Variants in VAV2 observed in about 807,000 individuals in gnomAD.
VAV2 encodes vav guanine nucleotide exchange factor 2.
A neutral mutation model predicts 132.5 loss-of-function variants in VAV2; 67 were observed. The observed-to-expected ratio is 0.51, with a 90% CI of 0.42 to 0.62. VAV2 has a LOEUF of 0.62. VAV2 is among the 20% of genes least tolerant of loss of function. VAV2 has a pLI of 0.00. For synonymous variants in VAV2, 492 were observed against 443.5 expected, an observed-to-expected ratio of 1.11 and a Z score of -1.37; for missense variants, 938 against 1,153.6, an observed-to-expected ratio of 0.81 and a Z score of 2.71.
At position 133,809,067 on chromosome 9, in the gene VAV2, G is replaced by A; in HGVS notation, c.639C>T (p.Tyr213=). The part of the protein sequence containing the change: ...LLEIQETEAK[Y]YRTLEDIEKN... ...TCTCAATGTCCTCCAGGGTGCGGTA[G>A]TACTTGGCCTCGGTCTCCTGGATCT... The change falls in exon 7 of 30, where the codon TAC becomes TAT. Residue 213 remains tyrosine (Y), a synonymous_variant. Transcript: ENST00000371850. 4 of 1,614,062 alleles carry A rather than the reference G, an allele frequency of 2.5e-6. No homozygotes were observed. Among genetic ancestry groups the A allele is most frequent in the Non-Finnish European group, 3.4e-6 (4 of 1,179,950 alleles).
At chr9:133,800,021 C>A (rs900434837) in intron 9 of VAV2, among the ~76,000 whole-genome samples, 19 of 152,224 alleles carry the variant, frequency 1.2e-4, no homozygotes, top group African/African-American at 4.1e-4. Flanking sequence ...AGGACCTGGG[C>A]TGGAAGCTCT....
At chr9:133,814,449 G>A (rs1835478297) in intron 4 of VAV2, among the ~76,000 whole-genome samples, 1 of 152,262 alleles carries the variant, frequency 6.6e-6, no homozygotes, top group African/African-American at 2.4e-5. Context: ...TTGACAGCTG[G>A]AGGCGAGGCG....
chr9:133,895,405 T>G (rs1347839722), intron 2 of VAV2, among the ~76,000 whole-genome samples: 9 of 152,108 alleles, frequency 5.9e-5, no homozygotes, highest in Admixed American at 5.2e-4. Flanking sequence ...AAAATAAAAA[T>G]GTAAATGAGC....
intron 2 of VAV2, among the ~76,000 whole-genome samples, chr9:133,899,444 T>C (rs9792581): frequency 0.15 from 22,795 of 151,536 alleles, 1,879 homozygotes; most frequent in South Asian, 0.2. Context: ...GGTCTCGCTC[T>C]GTCACCCAGG....
At chr9:133,838,057 C>T (rs972657291) in intron 3 of VAV2, among the ~76,000 whole-genome samples, 4 of 152,274 alleles carry the variant, frequency 2.6e-5, no homozygotes, top group Admixed American at 6.5e-5. Flanking sequence ...ACGGCCTCAG[C>T]GCCTGGCCGC....
intron 2 of VAV2, among the ~76,000 whole-genome samples, chr9:133,893,917 C>A (rs1839088538): frequency 1.3e-5 from 2 of 152,178 alleles, no homozygotes; most frequent in South Asian, 4.1e-4. Flanking sequence ...CTCACGGATC[C>A]TCACAGACCT....
intron 1 of VAV2, among the ~76,000 whole-genome samples, chr9:133,975,023 C>T (rs1002484549): frequency 2.6e-5 from 4 of 152,234 alleles, no homozygotes; most frequent in African/African-American, 4.8e-5. Context: ...TGGCCCAGAG[C>T]GAGTGTGGTC....
rs765291885 is a variant in VAV2 at position 133,991,831 on chromosome 9, G to C, written c.204+244C>G. ...CGCAGACCGCGGAACCGGCGCACCA[G>C]AGCAGTGCCCGCGGGCGGCGGCGGC... On this transcript the variant is annotated intron_variant, in intron 1 of 29. Coordinates refer to ENST00000371850, the MANE Select transcript of VAV2 (RefSeq NM_001134398.2). This position sits in a 1 kb window ranked among gnomAD's most constrained non-coding sequence, Gnocchi z 4.8. Among the ~76,000 whole-genome samples, 1 of 151,180 alleles carries C rather than the reference G, an allele frequency of 6.6e-6. No homozygotes were observed. The highest frequency in any genetic ancestry group is 1.9e-4 in the East Asian group (1 of 5,160).
chr9:133,857,928 G>T lies in VAV2; in HGVS notation c.380+3446C>A, dbSNP rs1253781106. 1.3e-5 allele frequency among the ~76,000 whole-genome samples: 2 copies of T among 152,216 alleles called. No homozygotes were observed. The highest frequency in any genetic ancestry group is 4.8e-5 in the African/African-American group (2 of 41,456). On this transcript the variant is annotated intron_variant, in intron 3 of 29. Transcript: ENST00000371850. This position sits in a 1 kb window ranked among gnomAD's most constrained non-coding sequence, Gnocchi z 4.0. ...GCCCCGGGGAGGAGGGCCTGCAGAG[G>T]TCTTCCTGCAAAGCCTCGCTCTGCG... is the stretch of plus-strand genomic sequence containing the variant.
rs955736469 is a variant in VAV2 at position 133,788,174 on chromosome 9, G to A, written c.1407+180C>T. Among the ~76,000 whole-genome samples, 7 of 152,184 alleles carry A rather than the reference G, an allele frequency of 4.6e-5. No homozygotes were observed. The highest frequency in any genetic ancestry group is 1.0e-4 in the Non-Finnish European group (7 of 68,028). The stretch of plus-strand genomic sequence containing the variant: ...CAGGCCTGCTATGAGCAGTGGTCAC[G>A]ACGGCGAGGCAGTGACTCAGAGAGG... On this transcript the variant is annotated intron_variant, in intron 15 of 29. Transcript: ENST00000371850. The surrounding 1 kb of genome is among the most constrained non-coding windows in gnomAD (Gnocchi z 5.3).
intron 1 of VAV2, among the ~76,000 whole-genome samples, chr9:133,964,022 C>CATATGTATATATAT (rs1217468550): frequency 2.1e-5 from 2 of 93,876 alleles, no homozygotes; most frequent in East Asian, 3.1e-4. Context: ...ATTATTCATT[C>CATATGTATATATAT]ATATATATAT....
At chr9:133,895,642 A>AG (rs745662089) in intron 2 of VAV2, among the ~76,000 whole-genome samples, 27 of 151,512 alleles carry the variant, frequency 1.8e-4, no homozygotes, top group Non-Finnish European at 2.8e-4. Flanking sequence ...GGCTGGGGAA[A>AG]TTTGGGGGGG....
intron 1 of VAV2, among the ~76,000 whole-genome samples, chr9:133,970,004 C>A (rs75688889): frequency 0.016 from 2,505 of 152,222 alleles, 65 homozygotes; most frequent in African/African-American, 0.058. Context: ...GTTCCTGCCA[C>A]CCCCCAGACG....
chr9:133,871,271 A>G, intron 2 of VAV2, among the ~76,000 whole-genome samples: 5 of 114,832 alleles, frequency 4.4e-5, no homozygotes, highest in African/African-American at 6.8e-5. Context: ...TGGATAGATA[A>G]GTGAGTGGGT....
At chr9:133,787,537 G>A (rs1045508234) in intron 15 of VAV2, among the ~76,000 whole-genome samples, 2 of 152,184 alleles carry the variant, frequency 1.3e-5, no homozygotes, top group Non-Finnish European at 2.9e-5. Flanking sequence ...GCACTTGCTG[G>A]GTCTGGACGA....
chr9:133,881,377 A>G (rs1388302611), intron 2 of VAV2, among the ~76,000 whole-genome samples: 3 of 152,212 alleles, frequency 2.0e-5, no homozygotes, highest in Non-Finnish European at 2.9e-5. Flanking sequence ...CAGGACTGAG[A>G]AGGAGGAGCG....
At chr9:133,854,552 G>A (rs1318898706) in intron 3 of VAV2, among the ~76,000 whole-genome samples, 2 of 152,242 alleles carry the variant, frequency 1.3e-5, no homozygotes, top group Non-Finnish European at 1.5e-5. Flanking sequence ...GAGGCCTGGG[G>A]TGTGGAAGAG....
Position 133,804,300 on chromosome 9 carries a change from G to A in VAV2, c.836+1781C>T, listed in dbSNP as rs1331609010. Among the ~76,000 whole-genome samples the A allele has an allele frequency of 5.3e-5, 8 of 152,208 alleles. No individual in the cohort carries two copies. The highest frequency in any genetic ancestry group is 1.2e-4 in the Non-Finnish European group (8 of 68,032). On this transcript the variant is annotated intron_variant, in intron 9 of 29. Coordinates refer to ENST00000371850, the MANE Select transcript of VAV2 (RefSeq NM_001134398.2). The surrounding 1 kb of genome is among the most constrained non-coding windows in gnomAD (Gnocchi z 4.5). ...ACAGCCCCTTCCCCAAACAGACCCC[G>A]ACTGACGGATCTCGCCACACGCCTC...
At chr9:133,881,298 G>C (rs147698305) in intron 2 of VAV2, among the ~76,000 whole-genome samples, 6 of 152,388 alleles carry the variant, frequency 3.9e-5, no homozygotes, top group African/African-American at 1.4e-4. Context: ...GCAGACGTGG[G>C]ACAAGGCCCT....
Sources: gnomAD v4.1 joint callset for allele counts (sites outside exome capture counted in the v4.1 genomes callset) on GRCh38, gnomAD v4.1.1 for gene constraint, Gnocchi (gnomAD v3.1) non-coding constraint, MANE v1.5 for transcripts, NCBI Gene and HGNC (gene_info 2026-07-23, HGNC 2026-07-21) for gene names.